XKR9: variants seen among roughly 807,000 people sequenced by gnomAD.
The protein encoded by XKR9 is XK-related protein 9.
In XKR9, 32 loss-of-function variants were observed where a neutral mutation model predicts 32.0. The ratio of observed to expected loss-of-function variants is 1.00; its 90% confidence interval spans 0.76 to 1.34. The LOEUF is 1.34. XKR9 is among the 40% of genes most tolerant of loss of function. XKR9 has a pLI of 0.00. For missense variants in XKR9, 546 were observed against 429.7 expected (o/e 1.27, Z -2.39); for synonymous variants, 168 against 143.4 (o/e 1.17, Z -1.22).
intron 2 of XKR9, among the ~76,000 whole-genome samples, chr8:70,767,610 C>T (rs1160466310): frequency 2.0e-5 from 3 of 150,368 alleles, no homozygotes; most frequent in Non-Finnish European, 4.4e-5. Flanking sequence ...CATTCTCCTG[C>T]CTCAGCCTCC....
chr8:70,860,418 G>T, the XKR9 span, among the ~76,000 whole-genome samples: 2 of 152,062 alleles, frequency 1.3e-5, no homozygotes, highest in African/African-American at 4.8e-5. Context: ...CCTTATCTCA[G>T]ACTTCCAGCC....
chr8:70,751,675 C>T (rs1288125750), intron 2 of XKR9, among the ~76,000 whole-genome samples: 2 of 152,144 alleles, frequency 1.3e-5, no homozygotes, highest in Non-Finnish European at 2.9e-5. Context: ...AGACATCTAC[C>T]TCCTCCTGCC....
intron 4 of XKR9, among the ~76,000 whole-genome samples, chr8:70,712,233 CT>C (rs1157468217): frequency 6.6e-6 from 1 of 152,048 alleles, no homozygotes; most frequent in African/African-American, 2.4e-5. Flanking sequence ...AACCCTTCCA[CT>C]GAGAGGCTAA....
chr8:71,042,130 A>C, the XKR9 span, among the ~76,000 whole-genome samples: 2 of 152,234 alleles, frequency 1.3e-5, no homozygotes, highest in East Asian at 3.9e-4. Flanking sequence ...TGTCCAGATG[A>C]TGCTTTGAGG....
At chr8:71,037,300 A>G in the XKR9 span, among the ~76,000 whole-genome samples, 1 of 152,192 alleles carries the variant, frequency 6.6e-6, no homozygotes, top group Non-Finnish European at 1.5e-5. Flanking sequence ...ATTGGAAGTC[A>G]ATTTAGAATT....
the XKR9 span, among the ~76,000 whole-genome samples, chr8:70,994,706 C>T: frequency 6.7e-6 from 1 of 149,334 alleles, no homozygotes; most frequent in African/African-American, 2.4e-5. Context: ...TTACACATTA[C>T]ACACTTTGAA....
At chr8:70,777,002 G>T (rs994482303) in intron 2 of XKR9, among the ~76,000 whole-genome samples, 24 of 139,484 alleles carry the variant, frequency 1.7e-4, no homozygotes, top group Non-Finnish European at 2.8e-4. Flanking sequence ...TACATAGGTA[G>T]AATGTGTGGG....
At chr8:70,922,950 C>G in the XKR9 span, among the ~76,000 whole-genome samples, 124 of 152,348 alleles carry the variant, frequency 8.1e-4, no homozygotes, top group South Asian at 2.3e-3. Flanking sequence ...CATGGATCAA[C>G]TAACGATTAA....
At chr8:71,057,444 C>T in the XKR9 span, among the ~76,000 whole-genome samples, 2 of 152,102 alleles carry the variant, frequency 1.3e-5, no homozygotes, top group African/African-American at 4.8e-5. Flanking sequence ...CAATCAAAGG[C>T]CCTGGACATT....
chr8:70,844,188 C>T, the XKR9 span, among the ~76,000 whole-genome samples: 4 of 152,208 alleles, frequency 2.6e-5, no homozygotes, highest in South Asian at 8.3e-4. Flanking sequence ...AGCAGTAGGA[C>T]AAGCTATGCT....
the XKR9 span, among the ~76,000 whole-genome samples, chr8:71,005,254 C>T: frequency 2.1e-5 from 3 of 142,284 alleles, no homozygotes; most frequent in Admixed American, 2.1e-4. Flanking sequence ...CTGAGTTTCG[C>T]TCTTCGTGCC....
At chr8:70,750,914 T>C (rs991838220) in intron 2 of XKR9, among the ~76,000 whole-genome samples, 1 of 152,068 alleles carries the variant, frequency 6.6e-6, no homozygotes, top group Non-Finnish European at 1.5e-5. Context: ...GAGATTAATA[T>C]TTAAACGAAT....
At chr8:70,875,885 G>T in the XKR9 span, among the ~76,000 whole-genome samples, 1 of 151,900 alleles carries the variant, frequency 6.6e-6, no homozygotes, top group African/African-American at 2.4e-5. Context: ...ACTCTTATGG[G>T]GTTGATAGAA....
chr8:70,984,411 T>C, the XKR9 span, among the ~76,000 whole-genome samples: 2 of 152,346 alleles, frequency 1.3e-5, no homozygotes, highest in African/African-American at 4.8e-5. Context: ...TCTCCCTTTC[T>C]CTTACTTCTC....
chr8:70,960,709 A>G, the XKR9 span, among the ~76,000 whole-genome samples: 114 of 151,754 alleles, frequency 7.5e-4, no homozygotes, highest in African/African-American at 2.5e-3. Context: ...CTCTACAAAA[A>G]ATAGAAAAAA....
chr8:71,044,594 G>A, the XKR9 span, among the ~76,000 whole-genome samples: 47 of 152,158 alleles, frequency 3.1e-4, no homozygotes, highest in Non-Finnish European at 6.6e-4. Context: ...TTGTAACATT[G>A]CAAATGCTTT....
chr8:70,928,137 G>A, the XKR9 span, among the ~76,000 whole-genome samples: 1 of 152,102 alleles, frequency 6.6e-6, no homozygotes, highest in Non-Finnish European at 1.5e-5. Flanking sequence ...CAACCTTCTG[G>A]GCTCAAGCAA....
intron 4 of XKR9, among the ~76,000 whole-genome samples, chr8:70,715,003 A>G (rs1806042473): frequency 6.6e-6 from 1 of 152,170 alleles, no homozygotes; most frequent in African/African-American, 2.4e-5. Flanking sequence ...AGAAAAAAAT[A>G]TGTTAGAAGC....
At chr8:70,796,459 CTTCT>C in the XKR9 span, among the ~76,000 whole-genome samples, 2 of 151,888 alleles carry the variant, frequency 1.3e-5, no homozygotes, top group Non-Finnish European at 2.9e-5. Context: ...TAATTTGAGT[CTTCT>C]TTCTTTTTGT....
Sources: gnomAD v4.1 joint callset for allele counts (sites outside exome capture counted in the v4.1 genomes callset) on GRCh38, gnomAD v4.1.1 for gene constraint, MANE v1.5 for transcripts, NCBI Gene and HGNC (gene_info 2026-07-23, HGNC 2026-07-21) for gene names.